TRIM58: variants seen among roughly 807,000 people sequenced by gnomAD.
TRIM58 encodes the protein tripartite motif containing 58.
TRIM58 carries 38 observed loss-of-function variants against 34.1 expected under a neutral mutation model. The observed-to-expected ratio is 1.12, with a 90% CI of 0.86 to 1.46. TRIM58 has a LOEUF of 1.46. Ranked by LOEUF, TRIM58 falls within the 40% of genes most tolerant of loss-of-function variation. TRIM58 has a pLI of 0.00. For missense variants in TRIM58, 677 were observed against 642.0 expected (o/e 1.05, Z -0.59); for synonymous variants, 273 against 275.7 (o/e 0.99, Z 0.10).
In TRIM58 at chr1:247,879,795, C is replaced by T. The variant is rs1572583638; in HGVS notation, c.*3306C>T. Reference sequence around the variant, plus strand: ...ATCCCCTTGACTCATTATTCCCTTTCTTCCTTAACTCTTCTGAGATCCAGC... The same window carrying T: ...ATCCCCTTGACTCATTATTCCCTTTTTTCCTTAACTCTTCTGAGATCCAGC... On this transcript the variant is annotated 3_prime_UTR_variant, in exon 6 of 6. Coordinates refer to ENST00000366481, the MANE Select transcript of TRIM58 (RefSeq NM_015431.4). 1.3e-5 allele frequency among the ~76,000 whole-genome samples: 2 copies of T among 151,590 alleles called. No homozygotes were observed. The highest frequency in any genetic ancestry group is 4.2e-4 in the South Asian group (2 of 4,782).
At chr1:247,874,989 G>T (rs930146836) in intron 5 of TRIM58, among the ~76,000 whole-genome samples, 1 of 152,152 alleles carries the variant, frequency 6.6e-6, no homozygotes, top group Non-Finnish European at 1.5e-5. Flanking sequence ...AGCTCTAGAG[G>T]TCACTCGTTT....
chr1:247,865,021 G>A (rs1663889432), intron 3 of TRIM58, 86 bp downstream of exon 3: 1 of 1,278,186 alleles, frequency 7.8e-7, no homozygotes, highest in Non-Finnish European at 1.1e-6. Flanking sequence ...AAACACTTTG[G>A]CGTTTATGTT....
Position 247,864,783 on chromosome 1 carries a change from C to T in TRIM58, c.595C>T (p.Arg199Trp), listed in dbSNP as rs780952897. 1.5e-5 allele frequency: 25 copies of T among 1,614,032 alleles called. No homozygotes were observed. Among genetic ancestry groups the T allele is most frequent in the African/African-American group, 8.0e-5 (6 of 74,926 alleles). The change falls in exon 3 of 6, where the codon CGG becomes TGG. Residue 199 changes from arginine (R) to tryptophan (W), a missense_variant. Coordinates refer to ENST00000366481, the MANE Select transcript of TRIM58 (RefSeq NM_015431.4). ...HRGFLAQEEQ[R>W]QLRRLEAEER... ...TGGCTTTCTGGCCCAGGAGGAGCAACGGCAGCTGAGGCGGCTGGAGGCGGA... is the reference window on the plus strand; with the variant it reads ...TGGCTTTCTGGCCCAGGAGGAGCAATGGCAGCTGAGGCGGCTGGAGGCGGA...
chr1:247,859,962 ATGT>A (rs1558348319), intron 1 of TRIM58, among the ~76,000 whole-genome samples: 1 of 151,990 alleles, frequency 6.6e-6, no homozygotes, highest in African/African-American at 2.4e-5. Context: ...TTCAAAATTC[ATGT>A]TGTTTTGTAA....
At chr1:247,869,593 C>T (rs1000402129) in intron 5 of TRIM58, among the ~76,000 whole-genome samples, 1 of 152,194 alleles carries the variant, frequency 6.6e-6, no homozygotes. Context: ...ATGGTGCCTC[C>T]TGCACTGTAG....
At chr1:247,861,398 A>C (rs540393841) in intron 2 of TRIM58, among the ~76,000 whole-genome samples, 1 of 152,228 alleles carries the variant, frequency 6.6e-6, no homozygotes, top group African/African-American at 2.4e-5. Context: ...GGTGCAGTGC[A>C]CCTGTCATCT....
At chr1:247,864,271 T>C (rs569703228) in intron 2 of TRIM58, among the ~76,000 whole-genome samples, 9 of 152,030 alleles carry the variant, frequency 5.9e-5, no homozygotes, top group Non-Finnish European at 1.3e-4. Context: ...GCCTTGTGGG[T>C]AGCTGGGACT....
In TRIM58 at chr1:247,879,479, A is replaced by T. The variant is rs1280363868; in HGVS notation, c.*2990A>T. Among the ~76,000 whole-genome samples, 1 of 152,090 alleles carries T rather than the reference A, an allele frequency of 6.6e-6. No individual in the cohort carries two copies. The highest frequency in any genetic ancestry group is 1.9e-4 in the East Asian group (1 of 5,156). On this transcript the variant is annotated 3_prime_UTR_variant, in exon 6 of 6. Coordinates refer to ENST00000366481, the MANE Select transcript of TRIM58 (RefSeq NM_015431.4). ...GCTGATTCCTTTAGCACCCAAGGAT[A>T]TGTTGGCATCACAGTGACTTAGATA...
rs756199914 is a variant in TRIM58, at chr1:247,867,985, G to A, written c.793G>A (p.Glu265Lys). ...LSRSKAVTRL[E>K]AENIPMELKT... ...CAGAAGTAAGGCTGTCACAAGGCTG[G>A]AAGCAGAGAACATCCCCATGGAACT... The change falls in exon 5 of 6, where the codon GAA becomes AAA. Residue 265 changes from glutamate (E) to lysine (K), a missense_variant. Physicochemically the swap from Glu to Lys is moderately conservative, Grantham distance 56. Transcript: ENST00000366481. 1.9e-6 allele frequency: 3 copies of A among 1,613,214 alleles called. No homozygotes were observed. Among genetic ancestry groups the A allele is most frequent in the East Asian group, 2.2e-5 (1 of 44,868 alleles).
At position 247,857,286 on chromosome 1, in the gene TRIM58, G is replaced by A; in HGVS notation, c.40G>A (p.Ala14Thr). The A allele has an allele frequency of 1.4e-6, 2 of 1,383,038 alleles. No individual in the cohort carries two copies. Among genetic ancestry groups the A allele is most frequent in the Non-Finnish European group, 9.4e-7 (1 of 1,060,568 alleles). The allele number at this position is 1,383,038 out of a possible 1,614,324, so 85.7% of individuals were successfully genotyped here. A position where few individuals can be genotyped will look rare whatever the true frequency, so the allele number is the denominator to read the frequency against. ...APPGERLRED[A>T]RCPVCLDFLQ... ...GCCCGGGGAGCGGCTGCGCGAGGAT[G>A]CGCGGTGCCCGGTGTGCCTGGATTT... Residue 14 changes from alanine (A) to threonine (T), a missense_variant, in exon 1 of 6, where the codon GCG becomes ACG. Ala to Thr is a moderately conservative substitution (Grantham distance 58). Coordinates refer to ENST00000366481, the MANE Select transcript of TRIM58 (RefSeq NM_015431.4).
intron 1 of TRIM58, among the ~76,000 whole-genome samples, chr1:247,860,243 C>T (rs1158854265): frequency 1.3e-5 from 2 of 152,140 alleles, no homozygotes; most frequent in Non-Finnish European, 2.9e-5. Context: ...ATGGGAGACT[C>T]TCTGGAGGCC....
chr1:247,858,836 T>C (rs1663704652), intron 1 of TRIM58, among the ~76,000 whole-genome samples: 2 of 138,992 alleles, frequency 1.4e-5, no homozygotes, highest in East Asian at 2.3e-4. Flanking sequence ...TCTCGGCTCA[T>C]TGCAACCTCC....
At chr1:247,867,189 A>G (rs1663950300) in intron 3 of TRIM58, among the ~76,000 whole-genome samples, 1 of 152,178 alleles carries the variant, frequency 6.6e-6, no homozygotes, top group Non-Finnish European at 1.5e-5. Flanking sequence ...AAAGATATTT[A>G]GGGAAACATT....
intron 2 of TRIM58, among the ~76,000 whole-genome samples, chr1:247,862,938 G>A (rs1266755018): frequency 6.6e-6 from 1 of 152,132 alleles, no homozygotes; most frequent in African/African-American, 2.4e-5. Context: ...ACCCCCTCGT[G>A]CCCCAGGTAT....
At position 247,876,103 on chromosome 1, in the gene TRIM58, G is replaced by A. The variant is rs1340777776; in HGVS notation, c.1075G>A (p.Gly359Ser). ...TCTGGTGGGAGAAGGAGCAGAGTGG[G>A]GTTTAGGGGTCTGTCAAGACACACT... Reference protein sequence around the residue: ...EVLVGEGAEWGLGVCQDTLPR... With the variant: ...EVLVGEGAEWSLGVCQDTLPR... Residue 359 changes from glycine (G) to serine (S), a missense_variant, in exon 6 of 6, where the codon GGT becomes AGT. Physicochemically the swap from Gly to Ser is moderately conservative, Grantham distance 56. Coordinates refer to ENST00000366481, the MANE Select transcript of TRIM58 (RefSeq NM_015431.4). 1 of 1,614,048 alleles carries A rather than the reference G, an allele frequency of 6.2e-7. No individual in the cohort carries two copies. Among genetic ancestry groups the A allele is most frequent in the African/African-American group, 1.3e-5 (1 of 74,900 alleles).
At chr1:247,860,814 A>G in intron 2 of TRIM58, 102 bp downstream of exon 2, 1 of 858,620 alleles carries the variant, frequency 1.2e-6, no homozygotes, top group Non-Finnish European at 1.9e-6. Flanking sequence ...CTTTTGTTCC[A>G]TCTCCATATA....
rs767483764 is a variant in TRIM58 at position 247,864,805 on chromosome 1, C to T, written c.617C>T (p.Ala206Val). Reference protein sequence around the residue: ...EEQRQLRRLEAEERATLQRLR... With the variant: ...EEQRQLRRLEVEERATLQRLR... ...CAACGGCAGCTGAGGCGGCTGGAGG[C>T]GGAGGAGCGAGCGACGCTGCAGAGA... The change falls in exon 3 of 6, where the codon GCG becomes GTG. Residue 206 changes from alanine to valine, a missense_variant. By Grantham distance (64) the Ala-to-Val change is moderately conservative (BLOSUM62 0). Transcript: ENST00000366481. 7 of 1,613,950 alleles carry T rather than the reference C, an allele frequency of 4.3e-6. No homozygotes were observed. The highest frequency in any genetic ancestry group is 1.1e-5 in the South Asian group (1 of 91,056).
At chr1:247,868,116 C>T (rs1663972998) in intron 5 of TRIM58, 53 bp downstream of exon 5, 2 of 1,481,452 alleles carry the variant, frequency 1.4e-6, no homozygotes, top group Non-Finnish European at 1.8e-6. Context: ...TGAAGAAGTT[C>T]CAAGGTAGTT....
intron 5 of TRIM58, among the ~76,000 whole-genome samples, chr1:247,872,292 T>C (rs564199530): frequency 6.6e-6 from 1 of 152,310 alleles, no homozygotes; most frequent in African/African-American, 2.4e-5. Context: ...TAAGGGTCTT[T>C]GCAGTAATTT....
Sources: allele counts gnomAD v4.1 joint callset (sites outside exome capture counted in the v4.1 genomes callset), GRCh38; gene constraint gnomAD v4.1.1; transcripts MANE v1.5; gene names NCBI Gene and HGNC (gene_info 2026-07-23, HGNC 2026-07-21).